CHODL: variants seen among roughly 807,000 people sequenced by gnomAD.
CHODL encodes transmembrane protein MT75.
In CHODL, 29 loss-of-function variants were observed where a neutral mutation model predicts 34.5. That is an observed-to-expected ratio of 0.84 (90% CI 0.63 to 1.15). The LOEUF (loss-of-function observed/expected upper bound fraction) is 1.15, where lower values mean the gene tolerates loss of function less well. CHODL is among the 50% of genes most tolerant of loss of function. The pLI is 0.00. For missense variants in CHODL, 332 were observed against 332.5 expected, an observed-to-expected ratio of 1.00 and a Z score of 0.01; for synonymous variants, 125 against 116.1, an observed-to-expected ratio of 1.08 and a Z score of -0.49.
At chr21:18,108,837 TTGTG>T (rs68066729) in intron 2 of CHODL, among the ~76,000 whole-genome samples, 10,723 of 146,226 alleles carry the variant, frequency 0.073, 563 homozygotes, top group Non-Finnish European at 0.1. Flanking sequence ...CTTTGCAATG[TTGTG>T]TGTGTGTGTG....
rs1284967936 is a variant in CHODL, at chr21:18,256,966, G to A, written c.390-4G>A. 6.2e-7 allele frequency: 1 copy of A among 1,610,658 alleles called. No homozygotes were observed. On this transcript the variant is annotated splice_polypyrimidine_tract_variant and splice_region_variant and intron_variant, in intron 2 of 5. Coordinates refer to ENST00000299295, the MANE Select transcript of CHODL (RefSeq NM_024944.3). ...TGAGTGTTCCTATTACTCTCTGTTT[G>A]CAGAAACTGGTACACAGATGAACCT...
At chr21:18,190,825 A>AT (rs2073502353) in intron 2 of CHODL, among the ~76,000 whole-genome samples, 1 of 152,174 alleles carries the variant, frequency 6.6e-6, no homozygotes, top group Non-Finnish European at 1.5e-5. Flanking sequence ...ATATTGTAGT[A>AT]TTTGTAAGAT....
At chr21:18,005,656 A>G (rs1428611836) in intron 1 of CHODL, among the ~76,000 whole-genome samples, 3 of 152,242 alleles carry the variant, frequency 2.0e-5, no homozygotes, top group Non-Finnish European at 4.4e-5. Flanking sequence ...CTTGCAAGTT[A>G]TGTTCCATCC....
chr21:18,070,967 A>G (rs1164140220), intron 2 of CHODL, among the ~76,000 whole-genome samples: 1 of 150,356 alleles, frequency 6.7e-6, no homozygotes, highest in African/African-American at 2.4e-5. Flanking sequence ...TTTATTTGTT[A>G]TTCTAAACTA....
At chr21:18,030,229 C>A (rs1568852049) in intron 2 of CHODL, among the ~76,000 whole-genome samples, 1 of 152,170 alleles carries the variant, frequency 6.6e-6, no homozygotes, top group African/African-American at 2.4e-5. Flanking sequence ...CTTGCCTACT[C>A]TAAGGAAAGC....
chr21:18,020,508 C>T (rs981820181), intron 1 of CHODL, among the ~76,000 whole-genome samples: 3 of 152,070 alleles, frequency 2.0e-5, no homozygotes, highest in Admixed American at 1.3e-4. Context: ...AGGCTGAATT[C>T]CTCCTTTTTC....
At position 18,223,608 on chromosome 21, in the gene CHODL, A is replaced by T. The variant is rs191733204; in HGVS notation, c.-44-32901A>T. 4.4e-4 allele frequency among the ~76,000 whole-genome samples: 67 copies of T among 152,270 alleles called. No individual in the cohort carries two copies. The East Asian group carries it at 0.012, about 26-fold the overall frequency. On this transcript the variant is annotated intron_variant, in intron 2 of 6. Transcript: ENST00000400127. ...TTTCTCAGCTTAAACTGCAGTTAGG[A>T]CTTAGAGCACAAGGTGATTTGCAGT...
rs1237258323 is a variant in CHODL, at chr21:18,249,135, TA to T, written c.79+3835del. Among the ~76,000 whole-genome samples, 4 of 134,392 alleles carry T rather than the reference TA, an allele frequency of 3.0e-5. No homozygotes were observed. In the East Asian group the frequency reaches 6.1e-4, roughly 20 times the overall value. The allele number at this position is 134,392 out of a possible 152,430, so 88.2% of individuals were successfully genotyped here. On this transcript the variant is annotated intron_variant, in intron 1 of 5. Coordinates refer to ENST00000299295, the MANE Select transcript of CHODL (RefSeq NM_024944.3). Reference sequence around the variant, plus strand: ...TATATATAATAAAATACATATATAATAATATATATATATATAAAGGAGTCCA... The same window carrying T: ...TATATATAATAAAATACATATATAATATATATATATATATAAAGGAGTCCA...
upstream of CHODL, among the ~76,000 whole-genome samples, chr21:18,244,547 A>T (rs1189878856): frequency 1.3e-5 from 2 of 152,220 alleles, no homozygotes; most frequent in Admixed American, 1.3e-4. Flanking sequence ...TATCTTTGAG[A>T]AAACTAAACG....
At chr21:18,141,687 T>C (rs1369631935) in intron 2 of CHODL, among the ~76,000 whole-genome samples, 1 of 148,952 alleles carries the variant, frequency 6.7e-6, no homozygotes, top group Non-Finnish European at 1.5e-5. Context: ...GTGTGGTGGC[T>C]GTAACCCTGG....
At chr21:17,933,057 A>G (rs929439429) in intron 1 of CHODL, among the ~76,000 whole-genome samples, 1 of 152,198 alleles carries the variant, frequency 6.6e-6, no homozygotes, top group Non-Finnish European at 1.5e-5. Flanking sequence ...TAAACATCTC[A>G]ATGCCTTAAA....
At chr21:17,941,218 G>A (rs1235939959) in intron 1 of CHODL, among the ~76,000 whole-genome samples, 3 of 151,216 alleles carry the variant, frequency 2.0e-5, no homozygotes, top group Non-Finnish European at 4.4e-5. Context: ...AAAAGACAAG[G>A]CAGATTGATA....
At chr21:18,000,556 G>A (rs2063895430) in intron 1 of CHODL, among the ~76,000 whole-genome samples, 1 of 152,100 alleles carries the variant, frequency 6.6e-6, no homozygotes, top group South Asian at 2.1e-4. Context: ...GTTCTAGTAA[G>A]TCACTTTTCT....
chr21:18,119,652 G>T (rs1601028583), intron 2 of CHODL, among the ~76,000 whole-genome samples: 1 of 152,140 alleles, frequency 6.6e-6, no homozygotes, highest in East Asian at 1.9e-4. Flanking sequence ...TTAAGAAGTT[G>T]CCCTGTGAAA....
At chr21:18,109,556 T>C (rs1171445595) in intron 2 of CHODL, among the ~76,000 whole-genome samples, 2 of 152,112 alleles carry the variant, frequency 1.3e-5, no homozygotes, top group Non-Finnish European at 2.9e-5. Context: ...TTAATTTTGG[T>C]CAAGACTTCA....
chr21:18,087,892 A>T (rs1247179086), intron 2 of CHODL, among the ~76,000 whole-genome samples: 1 of 152,152 alleles, frequency 6.6e-6, no homozygotes, highest in East Asian at 1.9e-4. Flanking sequence ...CAGGCTGTAC[A>T]GGAGGCTTGG....
rs138028677 is a variant in CHODL at position 18,146,317 on chromosome 21, C to A, written c.-44-110192C>A. ...TGAGTCTGAAATTTCATTACTGCACCGTACCTGATATGGTTTAGCTTGTGT... is the reference window on the plus strand; with the variant it reads ...TGAGTCTGAAATTTCATTACTGCACAGTACCTGATATGGTTTAGCTTGTGT... On this transcript the variant is annotated intron_variant, in intron 2 of 6. Transcript: ENST00000400127. Among the ~76,000 whole-genome samples the A allele has an allele frequency of 1.6e-3, 248 of 152,046 alleles. 1 individual carries two copies. The highest frequency in any genetic ancestry group is 5.6e-3 in the African/African-American group (231 of 41,466).
chr21:18,005,716 G>A (rs1248774817), intron 1 of CHODL, among the ~76,000 whole-genome samples: 1 of 152,198 alleles, frequency 6.6e-6, no homozygotes, highest in Admixed American at 6.5e-5. Flanking sequence ...AGTTTGAGGA[G>A]CTAGGCCCCT....
intron 2 of CHODL, among the ~76,000 whole-genome samples, chr21:18,035,479 T>G (rs964282511): frequency 1.3e-5 from 2 of 152,000 alleles, no homozygotes; most frequent in African/African-American, 4.8e-5. Context: ...ACGTTTTGGA[T>G]CAATAATTTG....
Sources: gnomAD v4.1 joint callset for allele counts (sites outside exome capture counted in the v4.1 genomes callset) on GRCh38, gnomAD v4.1.1 for gene constraint, MANE v1.5 for transcripts, NCBI Gene and HGNC (gene_info 2026-07-23, HGNC 2026-07-21) for gene names.